The following TRMT1L variants were observed in gnomAD, a reference collection of about 807,000 sequenced individuals.
TRMT1L encodes tRNA (guanine(27)-N(2))-dimethyltransferase.
In TRMT1L, 28 loss-of-function variants were observed where a neutral mutation model predicts 81.6. The ratio of observed to expected loss-of-function variants is 0.34; its 90% CI spans 0.25 to 0.47. TRMT1L has a LOEUF of 0.47. Among genes scored for constraint, TRMT1L ranks in the 20% least tolerant of loss-of-function variants. TRMT1L has a pLI of 1.00. For synonymous variants in TRMT1L, 301 were observed against 303.2 expected (o/e 0.99, Z 0.07); for missense variants, 739 against 877.1 (o/e 0.84, Z 1.99).
At chr1:185,140,283 G>T in intron 7 of TRMT1L, 61 bp from the exon 8 acceptor site, 5 of 1,288,740 alleles carry the variant, frequency 3.9e-6, no homozygotes, top group Non-Finnish European at 4.2e-6. Flanking sequence ...GAATAAAAAT[G>T]GTATAACAAC....
intron 4 of TRMT1L, among the ~76,000 whole-genome samples, chr1:185,146,541 T>C (rs1051377196): frequency 1.3e-5 from 2 of 152,040 alleles, no homozygotes; most frequent in African/African-American, 4.8e-5. Context: ...AGGTACTGTT[T>C]TGACTACTAC....
chr1:185,143,999 A>C lies in TRMT1L; in HGVS notation c.686T>G (p.Leu229Trp). The C allele has an allele frequency of 6.2e-7, 1 of 1,608,474 alleles. No individual in the cohort carries two copies. Among genetic ancestry groups the C allele is most frequent in the Non-Finnish European group, 8.5e-7 (1 of 1,176,784 alleles). Residue 229 changes from leucine to tryptophan, a missense_variant, in exon 6 of 15, where the codon TTG (leucine) becomes TGG (tryptophan). By Grantham distance (61) the Leu-to-Trp change is moderately conservative. Coordinates refer to ENST00000367506, the MANE Select transcript of TRMT1L (RefSeq NM_030934.5). ...TTGTACATCCGTGTCTGCCTCTTTC[A>C]AAATTTCCTTAGGTGGTTTAGCAGT... is the stretch of plus-strand genomic sequence containing the variant. ...ASTAKPPKEI[L>W]KEADTDVQVC...
intron 10 of TRMT1L, among the ~76,000 whole-genome samples, chr1:185,128,985 A>G (rs1652704630): frequency 6.6e-6 from 1 of 152,158 alleles, no homozygotes; most frequent in Non-Finnish European, 1.5e-5. Context: ...TTAAGTCCTT[A>G]CAACTCTCTG....
At chr1:185,140,289 A>G in intron 7 of TRMT1L, 67 bp from the exon 8 acceptor site, 1 of 1,248,584 alleles carries the variant, frequency 8.0e-7, no homozygotes, top group Non-Finnish European at 1.1e-6. Flanking sequence ...AAATGGTATA[A>G]CAACATTCAG....
In TRMT1L at chr1:185,151,865, A is replaced by G. The variant is rs775046421; in HGVS notation, c.306T>C (p.Phe102=). The change falls in exon 2 of 15, where the codon TTT becomes TTC. Residue 102 remains phenylalanine (F), a synonymous_variant. Transcript: ENST00000367506. Reference sequence around the variant, plus strand: ...CTGAGTTCAATGAGCTGGCAGAGTCAAAATTTCCATCAGTTACAAAAGCTA... The same window carrying G: ...CTGAGTTCAATGAGCTGGCAGAGTCGAAATTTCCATCAGTTACAAAAGCTA... ...ENLAFVTDGN[F]DSASSLNSDN... 3.1e-6 allele frequency: 5 copies of G among 1,605,002 alleles called. No individual in the cohort carries two copies. The East Asian group carries it at 1.1e-4, about 36-fold the overall frequency.
intron 10 of TRMT1L, among the ~76,000 whole-genome samples, chr1:185,134,904 T>C (rs780825465): frequency 3.0e-4 from 45 of 152,234 alleles, no homozygotes; most frequent in Admixed American, 9.8e-4. Context: ...CAGAATATTA[T>C]TATATGTAGA....
At chr1:185,121,550 A>G (rs1172761602) in intron 13 of TRMT1L, among the ~76,000 whole-genome samples, 2 of 152,180 alleles carry the variant, frequency 1.3e-5, no homozygotes, top group African/African-American at 2.4e-5. Flanking sequence ...TAAAAACATA[A>G]AGCAAAAAGG....
chr1:185,128,890 G>C (rs1571344522), intron 10 of TRMT1L, 143 bp from the exon 11 acceptor site: 3 of 679,582 alleles, frequency 4.4e-6, no homozygotes, highest in Non-Finnish European at 7.4e-6. Context: ...TTTTATGTAT[G>C]TATATATGTG....
At chr1:185,130,859 T>C (rs1481397201) in intron 10 of TRMT1L, among the ~76,000 whole-genome samples, 2 of 152,148 alleles carry the variant, frequency 1.3e-5, no homozygotes, top group Non-Finnish European at 2.9e-5. Context: ...CCAGAGCTGC[T>C]AAAAGATTGG....
At chr1:185,126,765 G>C (rs1187616512) in intron 11 of TRMT1L, among the ~76,000 whole-genome samples, 1 of 152,186 alleles carries the variant, frequency 6.6e-6, no homozygotes, top group African/African-American at 2.4e-5. Flanking sequence ...CAGCACTTCG[G>C]GAGGCCGAGG....
chr1:185,140,141 G>A lies in TRMT1L; in HGVS notation c.941C>T (p.Thr314Ile), dbSNP rs1262247904. 1.2e-6 allele frequency: 2 copies of A among 1,613,610 alleles called. No homozygotes were observed. Among genetic ancestry groups the A allele is most frequent in the Admixed American group, 3.3e-5 (2 of 59,988 alleles). The change falls in exon 8 of 15, where the codon ACA (threonine) becomes ATA (isoleucine). Residue 314 changes from threonine to isoleucine, a missense_variant. Around this residue, in one of 4 missense-constraint regions of TRMT1L, gnomAD observed 331 missense variants for 462.2 expected, o/e 0.72. Coordinates refer to ENST00000367506, the MANE Select transcript of TRMT1L (RefSeq NM_030934.5). Reference sequence around the variant, plus strand: ...TAAATGGCAGTTTTCCTGAATCAGTGTCACAGAATTTTCATTCAAGTCATT... The same window carrying A: ...TAAATGGCAGTTTTCCTGAATCAGTATCACAGAATTTTCATTCAAGTCATT... ...TINDLNENSV[T>I]LIQENCHLNK...
intron 10 of TRMT1L, among the ~76,000 whole-genome samples, chr1:185,135,588 C>A (rs943694985): frequency 6.6e-6 from 1 of 151,784 alleles, no homozygotes; most frequent in African/African-American, 2.4e-5. Flanking sequence ...CTTAGCTCAA[C>A]CCTATGTAAA....
intron 11 of TRMT1L, among the ~76,000 whole-genome samples, chr1:185,127,199 T>C (rs1195221071): frequency 6.6e-6 from 1 of 152,196 alleles, no homozygotes; most frequent in African/African-American, 2.4e-5. Flanking sequence ...ATTTCCTCAG[T>C]TCTGAATCAG....
chr1:185,129,480 T>C (rs1312840182), intron 10 of TRMT1L, among the ~76,000 whole-genome samples: 1 of 152,236 alleles, frequency 6.6e-6, no homozygotes, highest in Non-Finnish European at 1.5e-5. Context: ...TGGGCTAATA[T>C]TTGACTATGG....
rs1197354607 is a variant in TRMT1L, at chr1:185,156,510, G to A, written c.203C>T (p.Ser68Phe). The A allele has an allele frequency of 1.4e-5, 22 of 1,613,706 alleles. No homozygotes were observed. The highest frequency in any genetic ancestry group is 1.8e-5 in the Non-Finnish European group (21 of 1,179,880). Residue 68 changes from serine to phenylalanine, a missense_variant, in exon 1 of 15, where the codon TCC (serine) becomes TTC (phenylalanine). This residue lies in a region of TRMT1L where 209 missense variants were observed against 165.4 expected (regional missense o/e 1.26). Coordinates refer to ENST00000367506, the MANE Select transcript of TRMT1L (RefSeq NM_030934.5). ...ALAQAPALSP[S>F]LASAPEEAKS... ...AGCCTCCTCAGGGGCAGAGGCTAGG[G>A]ACGGGGACAGGGCCGGAGCCTGGGC...
In TRMT1L at chr1:185,143,930, A is replaced by C. The variant is rs891380186; in HGVS notation, c.755T>G (p.Phe252Cys). ...YSIPQKTDSY[F>C]NPKMKLNRQL... ...CCGATTTAGTTTCATTTTGGGGTTA[A>C]AATAGGAATCTGTTTTCTGAGGTAT... The change falls in exon 6 of 15, where the codon TTT becomes TGT. Residue 252 changes from phenylalanine to cysteine, a missense_variant. Physicochemically the swap from Phe to Cys is radical, Grantham distance 205. Coordinates refer to ENST00000367506, the MANE Select transcript of TRMT1L (RefSeq NM_030934.5). 6.2e-7 allele frequency: 1 copy of C among 1,608,482 alleles called. No individual in the cohort carries two copies.
Position 185,120,641 on chromosome 1 carries a change from A to C in TRMT1L, c.1823-132T>G, listed in dbSNP as rs2273878. On this transcript the variant is annotated intron_variant, in intron 13 of 14. Transcript: ENST00000367506. ...CTGACTATCCAATCTTAATTCTTAT[A>C]ATTTATTCTATTTTCACGGTCCTTC... 5.4e-3 allele frequency: 4,428 copies of C among 814,982 alleles called. 119 individuals are homozygous for C. The East Asian group carries it at 0.073, about 14-fold the overall frequency. The allele number at this position is 814,982 out of a possible 1,614,324, so 50.5% of individuals were successfully genotyped here.
chr1:185,127,759 CAAAAAA>C (rs986438990), intron 11 of TRMT1L, among the ~76,000 whole-genome samples: 1 of 36,430 alleles, frequency 2.7e-5, no homozygotes. Context: ...AACTCTGTCT[CAAAAAA>C]AAAAAAAAAA....
Position 185,156,852 on chromosome 1 carries a change from C to G in TRMT1L, c.-140G>C. ...GGGAGGGCGGGATGCGTGCAACAGA[C>G]AAAAGATGAAGAACCAGTGACCAAA... On this transcript the variant is annotated 5_prime_UTR_variant, in exon 1 of 15. Transcript: ENST00000367506. The G allele has an allele frequency of 1.7e-6, 2 of 1,196,392 alleles. No individual in the cohort carries two copies. The highest frequency in any genetic ancestry group is 3.2e-5 in the South Asian group (2 of 63,406). 74.1% of individuals were successfully genotyped at this position (1,196,392 alleles called of 1,614,324 possible). A position where few individuals can be genotyped will look rare whatever the true frequency, so the allele number is the denominator to read the frequency against.
Sources: allele counts gnomAD v4.1 joint callset (sites outside exome capture counted in the v4.1 genomes callset), GRCh38; gene constraint gnomAD v4.1.1; regional missense constraint gnomAD v4.1.1; transcripts MANE v1.5; gene names NCBI Gene and HGNC (gene_info 2026-07-23, HGNC 2026-07-21).